WDFY4: variants seen among roughly 807,000 people sequenced by gnomAD.
WDFY4 encodes WD repeat- and FYVE domain-containing protein 4.
In WDFY4, 169 loss-of-function variants were observed where a neutral mutation model predicts 351.9. The ratio of observed to expected loss-of-function variants is 0.48; its 90% confidence interval spans 0.42 to 0.55. The LOEUF (loss-of-function observed/expected upper bound fraction) is 0.55. WDFY4 is among the 20% of genes least tolerant of loss of function. The pLI, the probability that WDFY4 is intolerant of heterozygous loss-of-function variation, is 0.00. For synonymous variants in WDFY4, 1,622 were observed against 1,574.6 expected (o/e 1.03, Z -0.71); for missense variants, 3,803 against 3,935.6 (o/e 0.97, Z 0.90).
At chr10:48,979,878 C>T (rs1226007177) in intron 60 of WDFY4, 1 of 152,168 alleles carries the variant, frequency 6.6e-6, no homozygotes, top group Non-Finnish European at 1.5e-5. Context: ...GGGGACACTT[C>T]CTGTGCATCC....
At chr10:48,818,597 A>G (rs1265806624) in intron 32 of WDFY4, among the ~76,000 whole-genome samples, 1 of 152,234 alleles carries the variant, frequency 6.6e-6, no homozygotes, top group Non-Finnish European at 1.5e-5. Context: ...GCGATTAACA[A>G]GAGACGGAGC....
At chr10:48,958,604 CT>C (rs946368693) in intron 52 of WDFY4, among the ~76,000 whole-genome samples, 6 of 151,112 alleles carry the variant, frequency 4.0e-5, no homozygotes, top group African/African-American at 7.3e-5. Flanking sequence ...ATATAGGGAC[CT>C]TTTTTTTTAG....
chr10:48,920,789 T>A (rs1267987046), intron 47 of WDFY4, among the ~76,000 whole-genome samples: 1 of 152,220 alleles, frequency 6.6e-6, no homozygotes, highest in Non-Finnish European at 1.5e-5. Context: ...TTCTTGGAAC[T>A]AATAAGTGAG....
intron 20 of WDFY4, among the ~76,000 whole-genome samples, chr10:48,787,980 T>TCTTCTCCTTCTC (rs1476322566): frequency 0.011 from 567 of 52,966 alleles, 35 homozygotes; most frequent in African/African-American, 0.04. Context: ...TTCTTCTTCT[T>TCTTCTCCTTCTC]CTTCTCCTTC....
At chr10:48,723,597 G>C (rs1263436733) in intron 5 of WDFY4, 30 bp downstream of exon 5, 1 of 1,550,992 alleles carries the variant, frequency 6.4e-7, no homozygotes, top group South Asian at 1.2e-5. Flanking sequence ...CCAATTCCCT[G>C]GGTCAAAACC....
intron 14 of WDFY4, among the ~76,000 whole-genome samples, chr10:48,775,012 G>A (rs2065984373): frequency 6.6e-6 from 1 of 152,090 alleles, no homozygotes; most frequent in Admixed American, 6.5e-5. Flanking sequence ...GCTGGGAGGG[G>A]CTGACTGTGT....
chr10:48,929,507 C>A (rs1839860365), intron 47 of WDFY4, among the ~76,000 whole-genome samples: 1 of 152,142 alleles, frequency 6.6e-6, no homozygotes, highest in Admixed American at 6.5e-5. Flanking sequence ...CTGCCACGTG[C>A]CCCCTGAGGT....
rs955604129 is a variant in WDFY4, at chr10:48,743,331, A to G, written c.2242A>G (p.Thr748Ala). The change falls in exon 12 of 62, where the codon ACT becomes GCT. Residue 748 changes from threonine (T) to alanine (A), a missense_variant. By Grantham distance (58) the Thr-to-Ala change is moderately conservative. This residue lies in a region of WDFY4 where 3,054 missense variants were observed against 3,148.6 expected (regional missense o/e 0.97). Transcript: ENST00000325239. ...KARPFADLLG[T>A]AFSSSGSLPP... ...CAGGCCATTTGCAGATTTGCTGGGC[A>G]CTGCCTTTTCCTCCAGCGGCTCACT... 3 of 1,551,496 alleles carry G rather than the reference A, an allele frequency of 1.9e-6. No individual in the cohort carries two copies. The African/African-American group carries it at 4.1e-5, about 21-fold the overall frequency.
rs1167073643 is a variant in WDFY4 at position 48,820,305 on chromosome 10, G to C, written c.5577G>C (p.Glu1859Asp). The change falls in exon 33 of 62, where the codon GAG becomes GAC. Residue 1859 changes from glutamate (E) to aspartate (D), a missense_variant. Glu to Asp is a conservative substitution (Grantham distance 45). Transcript: ENST00000325239. Reference protein sequence around the residue: ...EAAAEGDSTVEGLQAPTKAHP... With the variant: ...EAAAEGDSTVDGLQAPTKAHP... ...CAGCTGAAGGCGACAGCACAGTGGA[G>C]GGTCTCCAGGCTCCCACCAAGGCAC... is the stretch of plus-strand genomic sequence containing the variant. The C allele has an allele frequency of 1.9e-6, 3 of 1,551,480 alleles. No individual in the cohort carries two copies. Among genetic ancestry groups the C allele is most frequent in the Admixed American group, 3.9e-5 (2 of 50,976 alleles).
chr10:48,685,301 C>T (rs897037321), intron 1 of WDFY4, among the ~76,000 whole-genome samples: 12 of 152,132 alleles, frequency 7.9e-5, no homozygotes, highest in East Asian at 3.8e-4. Flanking sequence ...CGACCTCTGA[C>T]GGTAGGTCAA....
chr10:48,779,981 A>G lies in WDFY4; in HGVS notation c.3438A>G (p.Gly1146=), dbSNP rs1226682887. The change falls in exon 19 of 62, where the codon GGA becomes GGG. Residue 1146 remains glycine, a synonymous_variant. Transcript: ENST00000325239. ...AGGATGACTCCGAGCCTTCTGCAGG[A>G]TGCCAGCTTCAGGTCAGGTGTGGCC... ...EPEDDSEPSA[G]CQLQVRCGQL... is the part of the protein sequence containing the mutation. 8 of 1,551,838 alleles carry G rather than the reference A, an allele frequency of 5.2e-6. No individual in the cohort carries two copies. The highest frequency in any genetic ancestry group is 7.0e-6 in the Non-Finnish European group (8 of 1,147,026).
chr10:48,920,536 A>G (rs901628202), intron 47 of WDFY4, among the ~76,000 whole-genome samples: 2 of 152,210 alleles, frequency 1.3e-5, no homozygotes, highest in Non-Finnish European at 2.9e-5. Context: ...TTGAAAAAAA[A>G]GAAAAAAAAA....
At chr10:48,982,149 G>C (rs1842836331) in intron 61 of WDFY4, among the ~76,000 whole-genome samples, 1 of 152,222 alleles carries the variant, frequency 6.6e-6, no homozygotes, top group South Asian at 2.1e-4. Context: ...TAGGGCCAGA[G>C]CCGCACTTTT....
chr10:48,976,200 G>A (rs1057123623), intron 58 of WDFY4, among the ~76,000 whole-genome samples: 2 of 152,342 alleles, frequency 1.3e-5, no homozygotes, highest in Admixed American at 1.3e-4. Flanking sequence ...ATTAGGGCAA[G>A]GCTCAAAGGG....
chr10:48,968,441 T>A (rs1482451648), intron 55 of WDFY4: 2 of 152,862 alleles, frequency 1.3e-5, no homozygotes, highest in Non-Finnish European at 2.9e-5. Context: ...CTGCTCCCTC[T>A]CTTCCTCCTG....
In WDFY4 at chr10:48,933,360, C is replaced by T. The variant is rs536414384; in HGVS notation, c.7587-8446C>T. On this transcript the variant is annotated intron_variant, in intron 47 of 61. Transcript: ENST00000325239. ...GAAACACCCAGGGCCTAGTCAAAGGCGCATGCCTCGACTGGAGCCAGCATC... is the reference window on the plus strand; with the variant it reads ...GAAACACCCAGGGCCTAGTCAAAGGTGCATGCCTCGACTGGAGCCAGCATC... Among the ~76,000 whole-genome samples, 11 of 152,334 alleles carry T rather than the reference C, an allele frequency of 7.2e-5. 1 individual carries two copies. The South Asian group carries it at 1.0e-3, about 14-fold the overall frequency.
intron 55 of WDFY4, chr10:48,968,736 C>T (rs894259036): frequency 2.2e-5 from 8 of 356,366 alleles, no homozygotes; most frequent in Non-Finnish European, 4.2e-5. Context: ...GGAATGAGGT[C>T]TGGGCAGCTC....
chr10:48,730,291 C>T (rs2064414633), intron 8 of WDFY4, among the ~76,000 whole-genome samples: 1 of 152,208 alleles, frequency 6.6e-6, no homozygotes, highest in African/African-American at 2.4e-5. Context: ...AGAGCTTCTG[C>T]AGAATAGAGG....
At chr10:48,765,126 G>A (rs1810749525) in intron 13 of WDFY4, among the ~76,000 whole-genome samples, 1 of 152,236 alleles carries the variant, frequency 6.6e-6, no homozygotes, top group Admixed American at 6.5e-5. Context: ...TGGATGAGTG[G>A]GGCTAGAAAG....
Sources: gnomAD v4.1 joint callset for allele counts (sites outside exome capture counted in the v4.1 genomes callset) on GRCh38, gnomAD v4.1.1 for gene constraint, gnomAD v4.1.1 regional missense constraint, MANE v1.5 for transcripts, NCBI Gene and HGNC (gene_info 2026-07-23, HGNC 2026-07-21) for gene names.